The following ELMOD1 variants were observed in gnomAD, a reference collection of about 807,000 sequenced individuals.
ELMOD1 encodes ELMO domain-containing protein 1.
ELMOD1 carries 21 observed loss-of-function variants against 46.7 expected under a neutral mutation model. The observed-to-expected ratio is 0.45, with a 90% CI of 0.32 to 0.65. The LOEUF is 0.65. ELMOD1 is among the 30% of genes least tolerant of loss of function. ELMOD1 has a pLI of 0.04. For missense variants in ELMOD1, 348 were observed against 407.8 expected (o/e 0.85, Z 1.26); for synonymous variants, 122 against 138.2 (o/e 0.88, Z 0.82).
intron 1 of ELMOD1, among the ~76,000 whole-genome samples, chr11:107,613,072 G>C (rs1418930492): frequency 6.6e-6 from 1 of 152,016 alleles, no homozygotes; most frequent in African/African-American, 2.4e-5. Context: ...CTTCTGTTCA[G>C]TTCTCTCCCT....
chr11:107,636,909 TAAGAGGTGACAGAGAA>T (rs1232740074), intron 6 of ELMOD1, among the ~76,000 whole-genome samples: 2 of 152,050 alleles, frequency 1.3e-5, no homozygotes, highest in African/African-American at 4.8e-5. Context: ...ACATAGGAAA[TAAGAGGTGACAGAGAA>T]AAGAGGTGTT....
intron 6 of ELMOD1, among the ~76,000 whole-genome samples, chr11:107,642,643 G>A (rs1866346687): frequency 6.6e-6 from 1 of 152,198 alleles, no homozygotes; most frequent in Non-Finnish European, 1.5e-5. Context: ...GAGATTACAG[G>A]TGTGAGCCAC....
chr11:107,613,023 C>G (rs1290588021), intron 1 of ELMOD1, among the ~76,000 whole-genome samples: 2 of 152,104 alleles, frequency 1.3e-5, no homozygotes, highest in Non-Finnish European at 2.9e-5. Flanking sequence ...CCCATTCAAT[C>G]AGCAAGTCCA....
intron 11 of ELMOD1, among the ~76,000 whole-genome samples, chr11:107,658,845 G>C (rs1866679135): frequency 6.6e-6 from 1 of 152,230 alleles, no homozygotes; most frequent in African/African-American, 2.4e-5. Flanking sequence ...TGAGGCATGA[G>C]AATCTCTTGA....
At chr11:107,632,721 C>T (rs10789626) in intron 5 of ELMOD1, among the ~76,000 whole-genome samples, 104,456 of 152,044 alleles carry the variant, frequency 0.69, 36,077 homozygotes, top group Non-Finnish European at 0.73. Context: ...TAAGATTGAA[C>T]GAAAAATTTA....
At chr11:107,657,664 C>G (rs1482746211) in intron 11 of ELMOD1, among the ~76,000 whole-genome samples, 1 of 152,168 alleles carries the variant, frequency 6.6e-6, no homozygotes, top group Admixed American at 6.5e-5. Context: ...AAGACAGTTT[C>G]TTAATGCAAG....
chr11:107,620,646 T>C (rs1253632470), intron 2 of ELMOD1, among the ~76,000 whole-genome samples: 1 of 152,182 alleles, frequency 6.6e-6, no homozygotes, highest in Admixed American at 6.5e-5. Flanking sequence ...GGCGGGCAGA[T>C]CACGAGGTCA....
chr11:107,650,322 C>A lies in ELMOD1; in HGVS notation c.555-13C>A. The A allele has an allele frequency of 6.4e-7, 1 of 1,560,918 alleles. No individual in the cohort carries two copies. Among genetic ancestry groups the A allele is most frequent in the Non-Finnish European group, 8.7e-7 (1 of 1,149,114 alleles). ...AAGTATAGAGTTACGGTTTTCTTTC[C>A]CTCCCGCTGCAGGTATTTCGCGGAA... On this transcript the variant is annotated splice_polypyrimidine_tract_variant and intron_variant, in intron 7 of 11. Transcript: ENST00000265840.
At chr11:107,664,746 A>G (rs1446928639) in intron 11 of ELMOD1, among the ~76,000 whole-genome samples, 1 of 135,228 alleles carries the variant, frequency 7.4e-6, no homozygotes, top group African/African-American at 3.7e-5. Flanking sequence ...GATGCGATTC[A>G]TACTCAAGAG....
chr11:107,618,153 C>T lies in ELMOD1; in HGVS notation c.-37C>T. On this transcript the variant is annotated 5_prime_UTR_variant, in exon 2 of 12. Transcript: ENST00000265840. ...AAATTTGGAAGCAATTACTTGAGGA[C>T]AGTTCATATAGCATCTGGACAGTCA... 6.4e-7 allele frequency: 1 copy of T among 1,562,186 alleles called. No homozygotes were observed. Among genetic ancestry groups the T allele is most frequent in the Non-Finnish European group, 8.7e-7 (1 of 1,152,258 alleles).
chr11:107,606,829 A>C (rs1021460436), intron 1 of ELMOD1, among the ~76,000 whole-genome samples: 6 of 152,190 alleles, frequency 3.9e-5, no homozygotes, highest in Non-Finnish European at 7.4e-5. Context: ...AAAAAAAAAA[A>C]CCTACATCGG....
chr11:107,593,653 A>G (rs1169449504), intron 1 of ELMOD1, among the ~76,000 whole-genome samples: 1 of 152,218 alleles, frequency 6.6e-6, no homozygotes, highest in Admixed American at 6.5e-5. Flanking sequence ...GATTTAGCAA[A>G]TAAAAAGGTG....
intron 1 of ELMOD1, among the ~76,000 whole-genome samples, chr11:107,614,719 A>G (rs1022421477): frequency 2.0e-5 from 3 of 152,170 alleles, no homozygotes; most frequent in African/African-American, 7.2e-5. Flanking sequence ...TGCTCTTCAG[A>G]TAAGGTTCAA....
chr11:107,621,234 C>T lies in ELMOD1; in HGVS notation c.17+3028C>T, dbSNP rs557859984. ...CTCAGTTTCTTGGCCCTGCATCTCA[C>T]CTCGTTATTTTCCTTCCTCCAGCAG... On this transcript the variant is annotated intron_variant, in intron 2 of 11. Transcript: ENST00000265840. Among the ~76,000 whole-genome samples, 273 of 152,300 alleles carry T rather than the reference C, an allele frequency of 1.8e-3. 2 individuals carry two copies. The highest frequency in any genetic ancestry group is 6.2e-3 in the African/African-American group (259 of 41,564).
intron 1 of ELMOD1, chr11:107,592,520 G>T: frequency 6.1e-6 from 3 of 493,758 alleles, no homozygotes; most frequent in Non-Finnish European, 1.3e-5. Context: ...CTTGTATTGG[G>T]ATAAATGTCT....
rs113250148 is a variant in ELMOD1 at position 107,618,305 on chromosome 11, C to G, written c.17+99C>G. ...CAGTCATCGTTTGTGATCCTGTGAC[C>G]AGGACTCCTAAGATTCTGTGAAATA... On this transcript the variant is annotated intron_variant, in intron 2 of 11. Transcript: ENST00000265840. 713 of 1,348,794 alleles carry G rather than the reference C, an allele frequency of 5.3e-4. 1 individual carries two copies. The African/African-American group carries it at 9.3e-3, about 18-fold the overall frequency. The allele number at this position is 1,348,794 out of a possible 1,614,324, so 83.6% of individuals were successfully genotyped here.
chr11:107,630,714 G>T lies in ELMOD1; in HGVS notation c.178G>T (p.Asp60Tyr), dbSNP rs754171634. ...RTMKIETSLRDSKSKLLQTSV... is the reference protein window; with the variant it reads ...RTMKIETSLRYSKSKLLQTSV... The stretch of plus-strand genomic sequence containing the variant: ...TGCTTTCACAGAAACATCACTGAGG[G>T]ATTCTAAAAGTAAGGTAAGTAAAAT... Residue 60 changes from aspartate to tyrosine, a missense_variant, in exon 4 of 12, where the codon GAT (aspartate) becomes TAT (tyrosine). Transcript: ENST00000265840. The T allele has an allele frequency of 1.2e-6, 2 of 1,606,704 alleles. No homozygotes were observed. The highest frequency in any genetic ancestry group is 1.7e-6 in the Non-Finnish European group (2 of 1,176,636).
chr11:107,621,476 A>G (rs1199861379), intron 2 of ELMOD1, among the ~76,000 whole-genome samples: 3 of 152,244 alleles, frequency 2.0e-5, no homozygotes, highest in Admixed American at 6.5e-5. Flanking sequence ...CCACTAAGTC[A>G]TTTAGTGTGC....
chr11:107,601,555 A>ACAGG (rs1327885089), intron 1 of ELMOD1, among the ~76,000 whole-genome samples: 1 of 150,862 alleles, frequency 6.6e-6, no homozygotes, highest in Non-Finnish European at 1.5e-5. Flanking sequence ...AGCTGGGATT[A>ACAGG]CAGGCACGTG....
Sources: allele counts gnomAD v4.1 joint callset (sites outside exome capture counted in the v4.1 genomes callset), GRCh38; gene constraint gnomAD v4.1.1; transcripts MANE v1.5; gene names NCBI Gene and HGNC (gene_info 2026-07-23, HGNC 2026-07-21).